Variants in HDAC9 observed in about 807,000 individuals in gnomAD.
The protein encoded by HDAC9 is MEF-2 interacting transcription repressor (MITR) protein.
A neutral mutation model predicts 139.4 loss-of-function variants in HDAC9; 41 were observed. The ratio of observed to expected loss-of-function variants is 0.29; its 90% CI spans 0.23 to 0.38. The LOEUF (loss-of-function observed/expected upper bound fraction) is 0.38, where lower values mean the gene tolerates loss of function less well. Among genes scored for constraint, HDAC9 ranks in the 10% least tolerant of loss-of-function variants. HDAC9 has a pLI of 1.00. For synonymous variants in HDAC9, 517 were observed against 476.2 expected, an observed-to-expected ratio of 1.09 and a Z score of -1.12; for missense variants, 1,147 against 1,297.0, an observed-to-expected ratio of 0.88 and a Z score of 1.78.
At chr7:18,675,068 T>C (rs1781415325) in intron 12 of HDAC9, among the ~76,000 whole-genome samples, 1 of 152,030 alleles carries the variant, frequency 6.6e-6, no homozygotes, top group Non-Finnish European at 1.5e-5. Context: ...TTTTTTAAAG[T>C]GAGAGCTTGG....
intron 17 of HDAC9, among the ~76,000 whole-genome samples, chr7:18,827,145 C>A (rs1795509179): frequency 6.6e-6 from 1 of 151,570 alleles, no homozygotes; most frequent in Non-Finnish European, 1.5e-5. Context: ...CCACATTAAA[C>A]CTTCCTTCGT....
intron 2 of HDAC9, among the ~76,000 whole-genome samples, chr7:18,524,003 A>G (rs1469910020): frequency 6.6e-6 from 1 of 151,950 alleles, no homozygotes; most frequent in African/African-American, 2.4e-5. Context: ...GACTATCACA[A>G]AATGAAGTGT....
intron 7 of HDAC9, 83 bp downstream of exon 7, chr7:18,629,564 A>G: frequency 3.2e-6 from 4 of 1,254,432 alleles, no homozygotes; most frequent in Non-Finnish European, 4.3e-6. Context: ...CCTGCTGCAT[A>G]TTAAAAGTTA....
At chr7:18,360,071 C>T (rs369602436) in intron 1 of HDAC9, among the ~76,000 whole-genome samples, 1 of 152,226 alleles carries the variant, frequency 6.6e-6, no homozygotes, top group Non-Finnish European at 1.5e-5. Flanking sequence ...AAACCCCTCA[C>T]TTCTTGCTCT....
At chr7:18,272,955 A>G (rs191984399) in intron 2 of HDAC9, among the ~76,000 whole-genome samples, 2 of 95,112 alleles carry the variant, frequency 2.1e-5, no homozygotes, top group Admixed American at 1.2e-4. Context: ...TACTACTACT[A>G]CTACTACTAC....
At chr7:18,331,055 G>T (rs1051564160) in intron 1 of HDAC9, among the ~76,000 whole-genome samples, 78 of 151,834 alleles carry the variant, frequency 5.1e-4, no homozygotes, top group African/African-American at 1.8e-3. Flanking sequence ...CATAAACAGA[G>T]ATGGGAAACT....
At chr7:18,752,638 T>G (rs1199758330) in intron 14 of HDAC9, among the ~76,000 whole-genome samples, 1 of 152,114 alleles carries the variant, frequency 6.6e-6, no homozygotes, top group Admixed American at 6.6e-5. Flanking sequence ...CTAAGCAGTA[T>G]GAACAATTTC....
At position 18,104,146 on chromosome 7, in the gene HDAC9, G is replaced by T. The variant is rs939064381; in HGVS notation, c.-97+16933G>T. On this transcript the variant is annotated intron_variant, in intron 1 of 12. Transcript: ENST00000417496. Reference sequence around the variant, plus strand: ...ATGTGCAAACTCTATGCACACAGTGGCCCGGGCTAGGAAGTCATTTTTTCT... The same window carrying T: ...ATGTGCAAACTCTATGCACACAGTGTCCCGGGCTAGGAAGTCATTTTTTCT... Among the ~76,000 whole-genome samples the T allele has an allele frequency of 9.9e-5, 15 of 152,282 alleles. 1 individual carries two copies. Among genetic ancestry groups the T allele is most frequent in the South Asian group, 6.2e-4 (3 of 4,824 alleles).
At chr7:18,430,424 A>T (rs140071246) in intron 1 of HDAC9, 2 of 152,242 alleles carry the variant, frequency 1.3e-5, no homozygotes, top group South Asian at 4.1e-4. Flanking sequence ...GAGTCTTGCT[A>T]TATTGTCCAG....
intron 4 of HDAC9, 92 bp downstream of exon 4, chr7:18,590,578 C>T: frequency 7.7e-7 from 1 of 1,298,054 alleles, no homozygotes; most frequent in Non-Finnish European, 1.0e-6. Flanking sequence ...TGCGGTTAGA[C>T]TCGTCAAAAT....
At chr7:18,561,180 G>A (rs187136199) in intron 2 of HDAC9, among the ~76,000 whole-genome samples, 142 of 152,306 alleles carry the variant, frequency 9.3e-4, no homozygotes, top group Non-Finnish European at 1.5e-3. Flanking sequence ...ATTTTAAGTG[G>A]ATGCTTTCGC....
intron 2 of HDAC9, among the ~76,000 whole-genome samples, chr7:18,170,229 C>T (rs540025550): frequency 4.5e-4 from 68 of 152,232 alleles, no homozygotes; most frequent in Admixed American, 4.3e-3. Context: ...AGCATTTTTT[C>T]GTGTGTCTAT....
intron 2 of HDAC9, among the ~76,000 whole-genome samples, chr7:18,264,570 G>A (rs1388609921): frequency 3.3e-5 from 5 of 152,034 alleles, no homozygotes; most frequent in African/African-American, 9.7e-5. Context: ...AATTGGATAC[G>A]GGAGATGTTA....
At chr7:18,765,742 G>A (rs1789778443) in intron 15 of HDAC9, among the ~76,000 whole-genome samples, 1 of 151,980 alleles carries the variant, frequency 6.6e-6, no homozygotes, top group African/African-American at 2.4e-5. Context: ...AAATATTCAA[G>A]GATACAGTTA....
At chr7:18,854,860 G>A (rs754527914) in intron 21 of HDAC9, among the ~76,000 whole-genome samples, 1 of 152,138 alleles carries the variant, frequency 6.6e-6, no homozygotes, top group African/African-American at 2.4e-5. Context: ...TGACGTTATA[G>A]CATTAATGGT....
At chr7:18,548,874 G>A (rs1396064328) in intron 2 of HDAC9, among the ~76,000 whole-genome samples, 7 of 152,118 alleles carry the variant, frequency 4.6e-5, no homozygotes, top group African/African-American at 1.2e-4. Context: ...AAATTGGAGC[G>A]CTCATACATT....
At chr7:18,746,799 C>T (rs1788013671) in intron 13 of HDAC9, among the ~76,000 whole-genome samples, 1 of 152,168 alleles carries the variant, frequency 6.6e-6, no homozygotes, top group African/African-American at 2.4e-5. Context: ...CATCTGCACT[C>T]TCAAAGATCT....
intron 1 of HDAC9, among the ~76,000 whole-genome samples, chr7:18,408,377 T>A (rs1024406582): frequency 6.6e-6 from 1 of 152,154 alleles, no homozygotes; most frequent in African/African-American, 2.4e-5. Flanking sequence ...TCTTGGCCTT[T>A]GAGTATATAG....
intron 25 of HDAC9, among the ~76,000 whole-genome samples, chr7:18,976,213 T>C (rs1453610587): frequency 6.6e-6 from 1 of 152,212 alleles, no homozygotes; most frequent in Non-Finnish European, 1.5e-5. Flanking sequence ...GTGAGAAAAA[T>C]CACGCCTTAT....
Sources: gnomAD v4.1 joint callset for allele counts (sites outside exome capture counted in the v4.1 genomes callset) on GRCh38, gnomAD v4.1.1 for gene constraint, MANE v1.5 for transcripts, NCBI Gene and HGNC (gene_info 2026-07-23, HGNC 2026-07-21) for gene names.